Variants in NRXN3 observed in about 807,000 individuals in gnomAD.
NRXN3 encodes neurexin 3, also known as neurexin III.
A neutral mutation model predicts 137.6 loss-of-function variants in NRXN3; 32 were observed. The observed-to-expected ratio is 0.23, with a 90% CI of 0.18 to 0.31. The LOEUF (loss-of-function observed/expected upper bound fraction) is 0.31, where lower values mean the gene tolerates loss of function less well. Ranked by LOEUF, NRXN3 falls within the 10% of genes least tolerant of loss-of-function variation. NRXN3 has a pLI of 1.00. For missense variants in NRXN3, 1,574 were observed against 2,062.5 expected, an observed-to-expected ratio of 0.76 and a Z score of 4.59; for synonymous variants, 798 against 784.5, an observed-to-expected ratio of 1.02 and a Z score of -0.29.
chr14:78,302,452 C>T (rs1051007703), intron 4 of NRXN3, among the ~76,000 whole-genome samples: 4 of 152,192 alleles, frequency 2.6e-5, no homozygotes, highest in East Asian at 1.9e-4. Flanking sequence ...TAACATAAGC[C>T]AATGACTACT....
intron 15 of NRXN3, among the ~76,000 whole-genome samples, chr14:79,247,897 A>T (rs555336871): frequency 7.6e-4 from 103 of 135,768 alleles, no homozygotes; most frequent in Middle Eastern, 3.8e-3. Flanking sequence ...TAAAAAAATT[A>T]AAAAAAAAAC....
At chr14:78,648,439 C>G (rs1490135625) in intron 5 of NRXN3, among the ~76,000 whole-genome samples, 1 of 152,154 alleles carries the variant, frequency 6.6e-6, no homozygotes, top group East Asian at 1.9e-4. Flanking sequence ...AAGCATTGTT[C>G]AAGAGGAATT....
chr14:79,719,771 C>T (rs1001718573), intron 19 of NRXN3, among the ~76,000 whole-genome samples: 1 of 152,054 alleles, frequency 6.6e-6, no homozygotes, highest in African/African-American at 2.4e-5. Flanking sequence ...GTTATACTTT[C>T]AGACATGTTC....
intron 15 of NRXN3, among the ~76,000 whole-genome samples, chr14:79,063,938 A>C (rs1158159113): frequency 6.6e-6 from 1 of 152,222 alleles, no homozygotes; most frequent in Non-Finnish European, 1.5e-5. Flanking sequence ...TAGCCAATAT[A>C]TTATGTTTTC....
chr14:79,535,713 C>CTGAA (rs1448662457), intron 16 of NRXN3, among the ~76,000 whole-genome samples: 1 of 152,110 alleles, frequency 6.6e-6, no homozygotes, highest in Non-Finnish European at 1.5e-5. Flanking sequence ...CTTGAGGAAA[C>CTGAA]TGAAGCTCAC....
chr14:79,831,890 G>GC (rs1268016805), intron 20 of NRXN3, among the ~76,000 whole-genome samples: 1 of 152,060 alleles, frequency 6.6e-6, no homozygotes, highest in African/African-American at 2.4e-5. Context: ...TCTTCTGTGA[G>GC]CCCCCCACGT....
At chr14:79,207,061 G>A (rs2066894166) in intron 15 of NRXN3, among the ~76,000 whole-genome samples, 1 of 152,072 alleles carries the variant, frequency 6.6e-6, no homozygotes, top group Non-Finnish European at 1.5e-5. Flanking sequence ...CTGCTTCCTG[G>A]CCCTCTTGCC....
At chr14:78,289,082 G>A (rs2075505017) in intron 3 of NRXN3, among the ~76,000 whole-genome samples, 1 of 152,172 alleles carries the variant, frequency 6.6e-6, no homozygotes, top group South Asian at 2.1e-4. Flanking sequence ...TGGAGAATTA[G>A]CAGCAGGATC....
intron 16 of NRXN3, among the ~76,000 whole-genome samples, chr14:79,648,884 T>C (rs1193416616): frequency 3.3e-5 from 5 of 152,186 alleles, no homozygotes; most frequent in Non-Finnish European, 5.9e-5. Flanking sequence ...ATGCTGTCTG[T>C]TAAAGAATGT....
chr14:78,562,351 C>T (rs554217209), intron 4 of NRXN3, among the ~76,000 whole-genome samples: 8 of 145,754 alleles, frequency 5.5e-5, no homozygotes, highest in African/African-American at 7.8e-5. Flanking sequence ...GACCCAAGAT[C>T]GCGCCACTGC....
intron 15 of NRXN3, among the ~76,000 whole-genome samples, chr14:79,102,063 C>CAG (rs148136353): frequency 0.012 from 1,863 of 152,266 alleles, 31 homozygotes; most frequent in African/African-American, 0.039. Flanking sequence ...CTGGAGCTTT[C>CAG]AGAGAGAGCA....
At chr14:78,803,495 A>G (rs534616821) in intron 8 of NRXN3, 125 bp from the exon 9 acceptor site, 1 of 837,754 alleles carries the variant, frequency 1.2e-6, no homozygotes, top group Non-Finnish European at 2.0e-6. Flanking sequence ...ACAAGGGTTC[A>G]TCAAACACAA....
chr14:79,236,232 T>G (rs1158505892), intron 15 of NRXN3, among the ~76,000 whole-genome samples: 1 of 152,134 alleles, frequency 6.6e-6, no homozygotes, highest in Non-Finnish European at 1.5e-5. Context: ...CACCTTCACG[T>G]TCTCACAAAC....
intron 4 of NRXN3, among the ~76,000 whole-genome samples, chr14:78,576,359 T>C (rs980787430): frequency 9.2e-5 from 14 of 152,180 alleles, no homozygotes; most frequent in Admixed American, 9.2e-4. Flanking sequence ...GAGGGCTTTT[T>C]CCTTAATTTT....
At chr14:78,472,985 A>G (rs1210147085) in intron 4 of NRXN3, among the ~76,000 whole-genome samples, 2 of 145,408 alleles carry the variant, frequency 1.4e-5, no homozygotes, top group South Asian at 2.1e-4. Context: ...TGCTCCTTTC[A>G]TCCAAAGATC....
chr14:79,196,089 A>C (rs2153193553), intron 15 of NRXN3, among the ~76,000 whole-genome samples: 1 of 152,306 alleles, frequency 6.6e-6, no homozygotes, highest in South Asian at 2.1e-4. Flanking sequence ...CACACTAGTC[A>C]GGGGTGAGAT....
chr14:78,848,040 T>C (rs2099032404), intron 10 of NRXN3, among the ~76,000 whole-genome samples: 1 of 152,080 alleles, frequency 6.6e-6, no homozygotes, highest in African/African-American at 2.4e-5. Context: ...TAAGAACTTA[T>C]CTGCCTAGAA....
chr14:79,222,073 G>T (rs137934048), intron 15 of NRXN3, among the ~76,000 whole-genome samples: 1 of 152,076 alleles, frequency 6.6e-6, no homozygotes, highest in African/African-American at 2.4e-5. Context: ...TAGATGTGTA[G>T]TGTTATTTCT....
chr14:78,964,048 C>T (rs548567439), intron 11 of NRXN3, among the ~76,000 whole-genome samples: 46 of 152,224 alleles, frequency 3.0e-4, no homozygotes, highest in African/African-American at 1.1e-3. Flanking sequence ...GGATTACAGG[C>T]ATGAGCCACT....
Sources: gnomAD v4.1 joint callset for allele counts (sites outside exome capture counted in the v4.1 genomes callset) on GRCh38, gnomAD v4.1.1 for gene constraint, MANE v1.5 for transcripts, NCBI Gene and HGNC (gene_info 2026-07-23, HGNC 2026-07-21) for gene names.